DMD: variants seen among roughly 807,000 people sequenced by gnomAD.
DMD encodes dystrophin.
A neutral mutation model predicts 330.1 loss-of-function variants in DMD; 63 were observed. The observed-to-expected ratio is 0.19, with a 90% CI of 0.16 to 0.24. The LOEUF is 0.24. DMD is among the 10% of genes least tolerant of loss of function. The probability of loss-of-function intolerance (pLI) is 1.00; values close to 1 mark genes in which losing one functional copy is unlikely to be tolerated. For missense variants in DMD, 3,344 were observed against 2,684.1 expected (o/e 1.25, Z -5.43); for synonymous variants, 1,223 against 959.8 (o/e 1.27, Z -5.07).
chrX:32,635,171 T>C (rs5928061), intron 11 of DMD, among the ~76,000 whole-genome samples: 35,943 of 110,495 alleles, frequency 0.33, 7,457 homozygotes, highest in African/African-American at 0.77. Flanking sequence ...ATCTCCCTTC[T>C]GCAAGCACAT....
intron 67 of DMD, among the ~76,000 whole-genome samples, chrX:31,188,017 A>G (rs781228897): frequency 3.6e-5 from 4 of 111,900 alleles, no homozygotes; most frequent in East Asian, 2.8e-4. Flanking sequence ...AGGCTGTAGA[A>G]TGTTCTACTC....
intron 60 of DMD, among the ~76,000 whole-genome samples, chrX:31,420,962 C>T (rs1010224790): frequency 1.2e-4 from 13 of 112,103 alleles, no homozygotes; most frequent in African/African-American, 4.2e-4. Context: ...TGCTCCCATC[C>T]AGTGCCACAT....
At chrX:31,644,844 A>G (rs2079989721) in intron 54 of DMD, among the ~76,000 whole-genome samples, 1 of 111,651 alleles carries the variant, frequency 9.0e-6, no homozygotes, top group Non-Finnish European at 1.9e-5. Context: ...TGGGTTGGCC[A>G]GGGTTACTCT....
chrX:31,298,444 C>A (rs1224325269), intron 62 of DMD, among the ~76,000 whole-genome samples: 1 of 110,178 alleles, frequency 9.1e-6, no homozygotes, highest in Admixed American at 9.7e-5. Flanking sequence ...CACACACACA[C>A]ATACAGAGTA....
At chrX:33,312,242 T>C (rs1278671692) in intron 1 of DMD, among the ~76,000 whole-genome samples, 1 of 110,831 alleles carries the variant, frequency 9.0e-6, no homozygotes, top group African/African-American at 3.3e-5. Flanking sequence ...TCAACCAGAC[T>C]CAGATCAAAA....
chrX:32,729,864 T>C (rs997197337), intron 7 of DMD, among the ~76,000 whole-genome samples: 3 of 112,315 alleles, frequency 2.7e-5, no homozygotes, highest in Admixed American at 1.9e-4. Context: ...GTACTGACTA[T>C]GTAATAAACA....
At chrX:32,742,651 T>A (rs773669650) in intron 7 of DMD, among the ~76,000 whole-genome samples, 52 of 111,579 alleles carry the variant, frequency 4.7e-4, no homozygotes, top group African/African-American at 1.7e-3. Flanking sequence ...GAATGAGACC[T>A]AAGCAATGAG....
intron 43 of DMD, among the ~76,000 whole-genome samples, chrX:32,255,263 T>G (rs929408971): frequency 1.8e-5 from 2 of 112,194 alleles, no homozygotes; most frequent in African/African-American, 6.5e-5. Flanking sequence ...CAAATATCTG[T>G]GTGAATACCT....
chrX:32,166,624 C>T (rs12014897), intron 44 of DMD, among the ~76,000 whole-genome samples: 1 of 110,479 alleles, frequency 9.1e-6, no homozygotes, highest in Non-Finnish European at 1.9e-5. Context: ...CTTGAAAGGA[C>T]AGCGTTTGTC....
intron 48 of DMD, among the ~76,000 whole-genome samples, chrX:31,837,126 G>T (rs1370820335): frequency 8.9e-6 from 1 of 112,007 alleles, no homozygotes; most frequent in Admixed American, 9.5e-5. Flanking sequence ...TAATTTATAT[G>T]AATAAACACT....
At chrX:31,381,541 T>C (rs911057701) in intron 60 of DMD, among the ~76,000 whole-genome samples, 16 of 111,768 alleles carry the variant, frequency 1.4e-4, no homozygotes, top group Non-Finnish European at 1.9e-4. Flanking sequence ...CAATTACCAT[T>C]GTTCCTGGCC....
At chrX:31,944,420 T>C (rs1286196747) in intron 45 of DMD, among the ~76,000 whole-genome samples, 1 of 112,078 alleles carries the variant, frequency 8.9e-6, no homozygotes, top group Non-Finnish European at 1.9e-5. Flanking sequence ...AACATTTATT[T>C]TTTATTTCAA....
intron 44 of DMD, among the ~76,000 whole-genome samples, chrX:32,046,151 T>G (rs2096063063): frequency 8.9e-6 from 1 of 112,282 alleles, no homozygotes; most frequent in Admixed American, 9.4e-5. Flanking sequence ...CAAATAGAAA[T>G]TTTGCCTTAT....
At chrX:33,333,414 T>G (rs1041756757) in intron 1 of DMD, among the ~76,000 whole-genome samples, 1 of 111,252 alleles carries the variant, frequency 9.0e-6, no homozygotes, top group African/African-American at 3.3e-5. Flanking sequence ...TTGCTCCATA[T>G]TCCTAAGCCA....
intron 54 of DMD, among the ~76,000 whole-genome samples, chrX:31,649,812 T>C (rs1279465387): frequency 9.0e-6 from 1 of 111,355 alleles, no homozygotes; most frequent in East Asian, 2.8e-4. Flanking sequence ...AAGGAGTTGA[T>C]AATGGATTGA....
At chrX:31,377,987 G>A (rs1211971372) in intron 60 of DMD, among the ~76,000 whole-genome samples, 1 of 110,417 alleles carries the variant, frequency 9.1e-6, no homozygotes, top group African/African-American at 3.3e-5. Context: ...ACTCCTGCCC[G>A]CCAGAAAACC....
chrX:32,037,726 G>A (rs113281739), intron 44 of DMD, among the ~76,000 whole-genome samples: 3,989 of 111,007 alleles, frequency 0.036, 71 homozygotes, highest in Non-Finnish European at 0.058. Context: ...CCATGCACAC[G>A]GTCAATTTCT....
chrX:31,446,400 G>C (rs781207154), intron 59 of DMD, among the ~76,000 whole-genome samples: 2 of 111,584 alleles, frequency 1.8e-5, no homozygotes, highest in South Asian at 7.4e-4. Context: ...CACTTTGAAA[G>C]AGTGAATTTT....
chrX:32,703,780 T>C (rs1029952007), intron 7 of DMD, among the ~76,000 whole-genome samples: 1 of 111,602 alleles, frequency 9.0e-6, no homozygotes, highest in Non-Finnish European at 1.9e-5. Flanking sequence ...GGCAATGGTA[T>C]GATAATGAGT....
Sources: gnomAD v4.1 joint callset for allele counts (sites outside exome capture counted in the v4.1 genomes callset) on GRCh38, gnomAD v4.1.1 for gene constraint, MANE v1.5 for transcripts, NCBI Gene and HGNC (gene_info 2026-07-23, HGNC 2026-07-21) for gene names.